Variants in ADAMTS17 observed in about 807,000 individuals in gnomAD.
The protein encoded by ADAMTS17 is ADAM metallopeptidase with thrombospondin type 1 motif 17.
A neutral mutation model predicts 141.5 loss-of-function variants in ADAMTS17; 113 were observed. That is an observed-to-expected ratio of 0.80 (90% CI 0.69 to 0.93). The LOEUF (loss-of-function observed/expected upper bound fraction) is 0.93, where lower values mean the gene tolerates loss of function less well. Ranked by LOEUF, ADAMTS17 falls within the 40% of genes least tolerant of loss-of-function variation. The pLI, the probability that ADAMTS17 is intolerant of heterozygous loss-of-function variation, is 0.00. For synonymous variants in ADAMTS17, 768 were observed against 630.6 expected, an observed-to-expected ratio of 1.22 and a Z score of -3.27; for missense variants, 1,659 against 1,517.9, an observed-to-expected ratio of 1.09 and a Z score of -1.54.
intron 8 of ADAMTS17, among the ~76,000 whole-genome samples, chr15:100,183,232 G>T (rs76301628): frequency 0.036 from 5,530 of 152,180 alleles, 169 homozygotes; most frequent in East Asian, 0.18. Flanking sequence ...CAAGTAATCT[G>T]CCTGCCTTGG....
intron 18 of ADAMTS17, among the ~76,000 whole-genome samples, chr15:100,040,989 A>G (rs533150513): frequency 1.1e-4 from 17 of 152,358 alleles, no homozygotes; most frequent in East Asian, 5.8e-4. Flanking sequence ...TTAAAAAACC[A>G]TATCTTTTCA....
intron 3 of ADAMTS17, among the ~76,000 whole-genome samples, chr15:100,284,104 TAAACAAAC>T (rs150137293): frequency 1.4e-3 from 211 of 151,432 alleles, no homozygotes; most frequent in South Asian, 2.3e-3. Flanking sequence ...GATTCCATCT[TAAACAAAC>T]AAACAAACAA....
At chr15:100,176,587 C>G (rs2040346744) in intron 8 of ADAMTS17, among the ~76,000 whole-genome samples, 2 of 152,198 alleles carry the variant, frequency 1.3e-5, no homozygotes, top group South Asian at 2.1e-4. Flanking sequence ...ATATCAAAAT[C>G]AGGATTCTGA....
At chr15:100,139,766 A>T (rs1361965123) in intron 10 of ADAMTS17, among the ~76,000 whole-genome samples, 1 of 152,190 alleles carries the variant, frequency 6.6e-6, no homozygotes, top group African/African-American at 2.4e-5. Context: ...ATAGACTGGT[A>T]CTCTTCAAAA....
At chr15:100,086,598 G>A (rs1439262456) in intron 15 of ADAMTS17, among the ~76,000 whole-genome samples, 7 of 152,110 alleles carry the variant, frequency 4.6e-5, no homozygotes, top group Non-Finnish European at 7.4e-5. Flanking sequence ...AGTTGGAAGT[G>A]AAGTACTCCT....
chr15:100,249,673 A>T (rs4128195), intron 7 of ADAMTS17, among the ~76,000 whole-genome samples: 4 of 152,072 alleles, frequency 2.6e-5, no homozygotes, highest in African/African-American at 9.7e-5. Flanking sequence ...GCCCCCTTCC[A>T]GTAGGTGCCC....
At chr15:100,147,530 G>A (rs953496459) in intron 10 of ADAMTS17, among the ~76,000 whole-genome samples, 1 of 151,992 alleles carries the variant, frequency 6.6e-6, no homozygotes, top group African/African-American at 2.4e-5. Flanking sequence ...GTAACACAAT[G>A]GTATTTTGTG....
chr15:100,321,892 A>G (rs1056811427), intron 3 of ADAMTS17, among the ~76,000 whole-genome samples: 3 of 152,244 alleles, frequency 2.0e-5, no homozygotes, highest in African/African-American at 7.2e-5. Flanking sequence ...GTTTGCAGTA[A>G]TTTGAGATTA....
chr15:100,286,695 C>T lies in ADAMTS17; in HGVS notation c.617-5294G>A, dbSNP rs61433065. ...ACAGCAACTTCAAAGAGTAAAGGAA[C>T]ATCAGCCCATGCAGACGGGAAAAAT... On this transcript the variant is annotated intron_variant, in intron 3 of 21. Coordinates refer to ENST00000268070, the MANE Select transcript of ADAMTS17 (RefSeq NM_139057.4). 5.9e-3 allele frequency among the ~76,000 whole-genome samples: 904 copies of T among 152,206 alleles called. 9 individuals are homozygous for T. Among genetic ancestry groups the T allele is most frequent in the Middle Eastern group, 0.02 (6 of 294 alleles).
chr15:100,228,531 A>G (rs1019799496), intron 7 of ADAMTS17, among the ~76,000 whole-genome samples: 2 of 152,186 alleles, frequency 1.3e-5, no homozygotes, highest in African/African-American at 4.8e-5. Context: ...ACCGAGGAGA[A>G]AAGGAAAACT....
chr15:100,164,746 T>C (rs1305579571), intron 8 of ADAMTS17, among the ~76,000 whole-genome samples: 1 of 152,180 alleles, frequency 6.6e-6, no homozygotes, highest in Non-Finnish European at 1.5e-5. Context: ...CCGTTCTTTC[T>C]CTGCAATGAG....
Position 100,261,529 on chromosome 15 carries a change from G to A in ADAMTS17, c.981C>T (p.Pro327=), listed in dbSNP as rs143173549. The change falls in exon 6 of 22, where the codon CCC becomes CCT. Residue 327 remains proline, a synonymous_variant. Transcript: ENST00000268070. ...GARYLGNNQV[P]GGKDDPPLVD... is the part of the protein sequence containing the mutation. ...CCAGGGGCGGGTCGTCCTTCCCGCC[G>A]GGAACCTGGTTATTGCCGAGGTATC... 3.5e-5 allele frequency: 57 copies of A among 1,614,104 alleles called. No individual in the cohort carries two copies. In the African/African-American group the frequency reaches 4.4e-4, roughly 12 times the overall value.
At chr15:100,068,679 G>A (rs918117488) in intron 15 of ADAMTS17, among the ~76,000 whole-genome samples, 5 of 152,210 alleles carry the variant, frequency 3.3e-5, no homozygotes, top group African/African-American at 1.2e-4. Context: ...CAACAGACCT[G>A]TAGCTGAGGG....
At chr15:100,308,565 A>T (rs2045301459) in intron 3 of ADAMTS17, among the ~76,000 whole-genome samples, 1 of 152,242 alleles carries the variant, frequency 6.6e-6, no homozygotes, top group South Asian at 2.1e-4. Flanking sequence ...CTGATGTATC[A>T]TAACTCCAAG....
chr15:100,312,539 G>A (rs1442141188), intron 3 of ADAMTS17, among the ~76,000 whole-genome samples: 2 of 152,212 alleles, frequency 1.3e-5, no homozygotes, highest in African/African-American at 2.4e-5. Flanking sequence ...TAATTTGTTA[G>A]AGCGGTAATA....
chr15:100,134,694 G>A (rs540006363), intron 10 of ADAMTS17, among the ~76,000 whole-genome samples: 1 of 152,340 alleles, frequency 6.6e-6, no homozygotes, highest in East Asian at 1.9e-4. Flanking sequence ...ATAAAAATAA[G>A]AGAAAGGGAA....
At chr15:100,067,563 A>ATT (rs112842557) in intron 15 of ADAMTS17, among the ~76,000 whole-genome samples, 6 of 149,936 alleles carry the variant, frequency 4.0e-5, no homozygotes, top group Admixed American at 2.0e-4. Context: ...ATTAGTACAC[A>ATT]TTTTTTTTTT....
chr15:100,278,736 A>T (rs1236225014), intron 4 of ADAMTS17, among the ~76,000 whole-genome samples: 1 of 152,192 alleles, frequency 6.6e-6, no homozygotes, highest in Non-Finnish European at 1.5e-5. Context: ...TTGTCCTCCT[A>T]ACAAGCAGGA....
chr15:100,022,934 G>C (rs1269283147), intron 18 of ADAMTS17, among the ~76,000 whole-genome samples: 2 of 152,130 alleles, frequency 1.3e-5, no homozygotes, highest in African/African-American at 4.8e-5. Context: ...CTTTTGCTCA[G>C]CAAGTATCTT....
Sources: gnomAD v4.1 joint callset for allele counts (sites outside exome capture counted in the v4.1 genomes callset) on GRCh38, gnomAD v4.1.1 for gene constraint, MANE v1.5 for transcripts, NCBI Gene and HGNC (gene_info 2026-07-23, HGNC 2026-07-21) for gene names.